Variants in VDAC2 observed in about 807,000 individuals in gnomAD.
The protein encoded by VDAC2 is non-selective voltage-gated ion channel VDAC2.
VDAC2 carries 6 observed loss-of-function variants against 36.6 expected under a neutral mutation model. The ratio of observed to expected loss-of-function variants is 0.16; its 90% CI spans 0.09 to 0.32. The LOEUF (loss-of-function observed/expected upper bound fraction) is 0.32, where lower values mean the gene tolerates loss of function less well. Among genes scored for constraint, VDAC2 ranks in the 10% least tolerant of loss-of-function variants. The probability of loss-of-function intolerance (pLI) is 1.00; values close to 1 mark genes in which losing one functional copy is unlikely to be tolerated. For synonymous variants in VDAC2, 109 were observed against 123.8 expected (o/e 0.88, Z 0.79); for missense variants, 247 against 346.0 (o/e 0.71, Z 2.27).
upstream of VDAC2, among the ~76,000 whole-genome samples, chr10:75,210,437 C>T (rs893248824): frequency 2.0e-5 from 3 of 152,216 alleles, no homozygotes; most frequent in African/African-American, 7.2e-5. Context: ...GAGAGATCTA[C>T]GTGACCCTGG....
chr10:75,210,427 G>C (rs1841363447), upstream of VDAC2, among the ~76,000 whole-genome samples: 1 of 152,174 alleles, frequency 6.6e-6, no homozygotes, highest in Non-Finnish European at 1.5e-5. Context: ...AGGGGAGTAG[G>C]AGAGATCTAC....
intron 7 of VDAC2, among the ~76,000 whole-genome samples, chr10:75,221,893 T>C (rs1841824059): frequency 6.6e-6 from 1 of 152,264 alleles, no homozygotes. Flanking sequence ...CCTACGTTTC[T>C]TACAATCATG....
chr10:75,230,797 TGACAGG>T, intron 9 of VDAC2, 95 bp from the exon 10 acceptor site: 1 of 985,622 alleles, frequency 1.0e-6, no homozygotes, highest in South Asian at 1.8e-5. Flanking sequence ...GCTGAGGAAG[TGACAGG>T]CAGGCTCTGG....
Position 75,220,877 on chromosome 10 carries a change from A to G in VDAC2, c.491A>G (p.Tyr164Cys), listed in dbSNP as rs1841793053. Residue 164 changes from tyrosine (Y) to cysteine (C), a missense_variant, in exon 7 of 10, where the codon TAC becomes TGC. Transcript: ENST00000332211. ...VFGYEGWLAG[Y>C]QMTFDSAKSK... is the part of the protein sequence containing the mutation. ...GGTTATGAGGGCTGGCTTGCTGGCT[A>G]CCAGATGACCTTTGACAGTGCCAAA... is the stretch of plus-strand genomic sequence containing the variant. 1 of 1,613,566 alleles carries G rather than the reference A, an allele frequency of 6.2e-7. No individual in the cohort carries two copies. Among genetic ancestry groups the G allele is most frequent in the African/African-American group, 1.3e-5 (1 of 74,932 alleles).
upstream of VDAC2, chr10:75,210,306 C>T (rs1010271019): frequency 2.0e-5 from 3 of 152,586 alleles, no homozygotes. Context: ...AGCGGTCCCT[C>T]AGAAGCGCAG....
At chr10:75,230,283 A>G (rs901879338) in intron 9 of VDAC2, among the ~76,000 whole-genome samples, 3 of 152,226 alleles carry the variant, frequency 2.0e-5, no homozygotes, top group Admixed American at 1.3e-4. Context: ...AGAATGGTAC[A>G]ATGAACATCA....
intron 9 of VDAC2, among the ~76,000 whole-genome samples, chr10:75,230,339 A>G (rs943678725): frequency 1.3e-5 from 2 of 152,176 alleles, no homozygotes; most frequent in Admixed American, 6.5e-5. Flanking sequence ...TTTATTAACA[A>G]TTATTAACAT....
rs1210463208 is a variant in VDAC2, at chr10:75,219,104, A to T, written c.192A>T (p.Lys64Asn). 1 of 1,612,064 alleles carries T rather than the reference A, an allele frequency of 6.2e-7. No individual in the cohort carries two copies. Among genetic ancestry groups the T allele is most frequent in the Non-Finnish European group, 8.5e-7 (1 of 1,179,606 alleles). ...GTTCATCTAATACAGACACTGGTAA[A>T]GTTACTGGGACCTTGGAGACCAAAT... ...TSGSSNTDTGKVTGTLETKYK... is the reference protein window; with the variant it reads ...TSGSSNTDTGNVTGTLETKYK... Residue 64 changes from lysine (K) to asparagine (N), a missense_variant, in exon 5 of 10, where the codon AAA becomes AAT. This residue lies in a region of VDAC2 where 12 missense variants were observed against 35.1 expected (regional missense o/e 0.34). Coordinates refer to ENST00000332211, the MANE Select transcript of VDAC2 (RefSeq NM_001391963.1).
chr10:75,228,518 G>GT (rs1299669164), intron 8 of VDAC2, among the ~76,000 whole-genome samples: 1 of 152,180 alleles, frequency 6.6e-6, no homozygotes, highest in Non-Finnish European at 1.5e-5. Context: ...GCCTCCCAAA[G>GT]TGCAGGGATT....
At chr10:75,229,508 T>G (rs1253924207) in intron 8 of VDAC2, 136 bp from the exon 9 acceptor site, 16 of 647,864 alleles carry the variant, frequency 2.5e-5, no homozygotes, top group Non-Finnish European at 3.8e-5. Flanking sequence ...TTTGTTTGGC[T>G]TAATACATAA....
chr10:75,211,270 T>C (rs2132248060), intron 2 of VDAC2, 81 bp downstream of exon 2: 2 of 1,552,172 alleles, frequency 1.3e-6, no homozygotes, highest in South Asian at 1.2e-5. Flanking sequence ...TGTTTCCCCC[T>C]ATCTTTCCAA....
In VDAC2 at chr10:75,214,279, C is replaced by T. The variant is rs1841529516; in HGVS notation, c.150+209C>T. Among the ~76,000 whole-genome samples, 3 of 152,274 alleles carry T rather than the reference C, an allele frequency of 2.0e-5. No homozygotes were observed. The South Asian group carries it at 6.2e-4, about 32-fold the overall frequency. On this transcript the variant is annotated intron_variant, in intron 4 of 9. Transcript: ENST00000332211. ...GGTCTTTCGTCATATTATGTATGCA[C>T]AAGGAACTTAGGAAAGACCAGTCAG...
At chr10:75,219,424 G>T in intron 6 of VDAC2, 68 bp downstream of exon 6, 1 of 1,314,026 alleles carries the variant, frequency 7.6e-7, no homozygotes, top group Non-Finnish European at 1.1e-6. Flanking sequence ...TAGAAAAGGT[G>T]TACATTTACT....
intron 4 of VDAC2, among the ~76,000 whole-genome samples, chr10:75,218,395 A>G (rs777729136): frequency 6.6e-6 from 1 of 152,182 alleles, no homozygotes; most frequent in African/African-American, 2.4e-5. Context: ...GATCACAGGC[A>G]TGAGCCACCA....
Position 75,211,048 on chromosome 10 carries a change from G to A in VDAC2, c.-25-86G>A. ...CCTGGCTTCCTAAGATGGCCGCGCT[G>A]CCCCGCGGCCCCTCGCCCCTCTCTG... On this transcript the variant is annotated intron_variant, in intron 1 of 9. Transcript: ENST00000332211. 3.8e-6 allele frequency: 5 copies of A among 1,300,594 alleles called. No individual in the cohort carries two copies. In the South Asian group the frequency reaches 4.6e-5, roughly 12 times the overall value. 80.6% of individuals were successfully genotyped at this position (1,300,594 alleles called of 1,614,324 possible).
Position 75,219,136 on chromosome 10 carries a change from G to C in VDAC2, c.224G>C (p.Trp75Ser), listed in dbSNP as rs776242131. ...GGGACCTTGGAGACCAAATACAAGT[G>C]GTGTGAGTATGGTCTGACTTTCACA... ...VTGTLETKYK[W>S]CEYGLTFTEK... The change falls in exon 5 of 10, where the codon TGG (tryptophan) becomes TCG (serine). Residue 75 changes from tryptophan to serine, a missense_variant. This residue lies in a region of VDAC2 where 12 missense variants were observed against 35.1 expected (regional missense o/e 0.34). Transcript: ENST00000332211. 18 of 1,613,262 alleles carry C rather than the reference G, an allele frequency of 1.1e-5. No individual in the cohort carries two copies. The highest frequency in any genetic ancestry group is 1.5e-5 in the Non-Finnish European group (18 of 1,179,710).
At chr10:75,230,751 C>T (rs547328376) in intron 9 of VDAC2, 147 bp from the exon 10 acceptor site, 37 of 594,944 alleles carry the variant, frequency 6.2e-5, no homozygotes, top group Admixed American at 3.5e-4. Flanking sequence ...CTTCCAAGCG[C>T]CCTCTGGTGG....
In VDAC2 at chr10:75,227,577, A is replaced by ATTTTTTTTTTTTTT. The variant is rs35378957; in HGVS notation, c.736-2059_736-2046dup. ...TAACTCTTACTGTTAAATAATAGGA[A>ATTTTTTTTTTTTTT]TTTTTTTTTTTTTTTTTTTTTGGAG... On this transcript the variant is annotated intron_variant, in intron 8 of 9. Coordinates refer to ENST00000332211, the MANE Select transcript of VDAC2 (RefSeq NM_001391963.1). 3.8e-3 allele frequency among the ~76,000 whole-genome samples: 381 copies of ATTTTTTTTTTTTTT among 99,914 alleles called. 31 individuals are homozygous for ATTTTTTTTTTTTTT. The highest frequency in any genetic ancestry group is 0.016 in the African/African-American group (363 of 22,220). 65.5% of individuals were successfully genotyped at this position (99,914 alleles called of 152,430 possible).
chr10:75,231,120 T>C lies in VDAC2; in HGVS notation c.*131T>C, dbSNP rs962285093. 1.5e-6 allele frequency: 1 copy of C among 688,172 alleles called. No homozygotes were observed. The highest frequency in any genetic ancestry group is 1.8e-5 in the African/African-American group (1 of 55,084). 42.6% of individuals were successfully genotyped at this position (688,172 alleles called of 1,614,324 possible). On this transcript the variant is annotated 3_prime_UTR_variant, in exon 10 of 10. Coordinates refer to ENST00000332211, the MANE Select transcript of VDAC2 (RefSeq NM_001391963.1). ...CAAAGGATGATCTCAACAAGAGCTG[T>C]ATTTTAAGTATTTAGACAGTTCTTT...
Sources: gnomAD v4.1 joint callset for allele counts (sites outside exome capture counted in the v4.1 genomes callset) on GRCh38, gnomAD v4.1.1 for gene constraint, gnomAD v4.1.1 regional missense constraint, MANE v1.5 for transcripts, NCBI Gene and HGNC (gene_info 2026-07-23, HGNC 2026-07-21) for gene names.